PRKD1: variants seen among roughly 807,000 people sequenced by gnomAD.
The protein encoded by PRKD1 is serine/threonine-protein kinase D1.
PRKD1 carries 63 observed loss-of-function variants against 95.9 expected under a neutral mutation model. That is an observed-to-expected ratio of 0.66 (90% CI 0.54 to 0.81). PRKD1 has a LOEUF of 0.81. Among genes scored for constraint, PRKD1 ranks in the 30% least tolerant of loss-of-function variants. The probability of loss-of-function intolerance (pLI) is 0.00; values close to 1 mark genes in which losing one functional copy is unlikely to be tolerated. For synonymous variants in PRKD1, 425 were observed against 423.1 expected (o/e 1.00, Z -0.05); for missense variants, 1,048 against 1,165.3 (o/e 0.90, Z 1.47).
chr14:29,643,209 T>C (rs978807234), intron 4 of PRKD1, among the ~76,000 whole-genome samples: 3 of 152,192 alleles, frequency 2.0e-5, no homozygotes, highest in African/African-American at 7.2e-5. Flanking sequence ...TAGATGCATA[T>C]AAATGATTTG....
intron 14 of PRKD1, 107 bp downstream of exon 14, chr14:29,599,549 T>C: frequency 1.9e-6 from 2 of 1,065,474 alleles, no homozygotes; most frequent in South Asian, 3.2e-5. Flanking sequence ...TAGTGTAGTT[T>C]AGACTGGAGG....
At chr14:29,673,737 C>G (rs1882997815) in intron 2 of PRKD1, among the ~76,000 whole-genome samples, 1 of 152,184 alleles carries the variant, frequency 6.6e-6, no homozygotes, top group Admixed American at 6.5e-5. Flanking sequence ...TAAAGTATTT[C>G]AAGTTCAAAA....
intron 1 of PRKD1, among the ~76,000 whole-genome samples, chr14:29,832,929 A>G (rs1891470896): frequency 6.6e-6 from 1 of 152,038 alleles, no homozygotes; most frequent in Non-Finnish European, 1.5e-5. Context: ...CACTTTGTAT[A>G]TGCAGCCTTC....
chr14:29,767,091 C>T (rs553885143), intron 1 of PRKD1, among the ~76,000 whole-genome samples: 3 of 152,098 alleles, frequency 2.0e-5, no homozygotes, highest in Admixed American at 6.6e-5. Flanking sequence ...CAGGCCCCAA[C>T]CCTCACCTCC....
intron 15 of PRKD1, among the ~76,000 whole-genome samples, chr14:29,598,230 T>C (rs1451659097): frequency 1.3e-5 from 2 of 151,226 alleles, no homozygotes; most frequent in Non-Finnish European, 2.9e-5. Context: ...GAGCTGAGAC[T>C]GCACCATTCC....
chr14:29,894,374 G>A (rs1894045965), intron 1 of PRKD1, among the ~76,000 whole-genome samples: 1 of 152,250 alleles, frequency 6.6e-6, no homozygotes, highest in Non-Finnish European at 1.5e-5. Context: ...GATGCAAGGG[G>A]AAGTATACCA....
At chr14:29,654,830 T>G (rs1387846556) in intron 4 of PRKD1, among the ~76,000 whole-genome samples, 1 of 152,244 alleles carries the variant, frequency 6.6e-6, no homozygotes, top group African/African-American at 2.4e-5. Flanking sequence ...CAACTGTCAC[T>G]AAAACATTTC....
At chr14:29,650,297 C>A (rs1487829154) in intron 4 of PRKD1, 2 of 152,476 alleles carry the variant, frequency 1.3e-5, no homozygotes, top group Admixed American at 1.3e-4. Context: ...GGGCCCAAAC[C>A]TTACCACGGT....
rs1230853372 is a variant in PRKD1 at position 29,606,948 on chromosome 14, A to G, written c.1906-7131T>C. Among the ~76,000 whole-genome samples the G allele has an allele frequency of 2.6e-5, 4 of 152,326 alleles. No homozygotes were observed. In the East Asian group the frequency reaches 7.7e-4, roughly 29 times the overall value. The stretch of plus-strand genomic sequence containing the variant: ...TTGAATTCCAGCTCTGCCTCTTCCC[A>G]GCTTCTGCCTTCAGGTGAGTTATCT... On this transcript the variant is annotated intron_variant, in intron 13 of 17. Transcript: ENST00000331968.
chr14:29,582,366 G>A (rs1330655299), intron 16 of PRKD1, among the ~76,000 whole-genome samples: 1 of 147,068 alleles, frequency 6.8e-6, no homozygotes, highest in Non-Finnish European at 1.5e-5. Context: ...TCATTTTATC[G>A]AGCTTCTTGT....
intron 1 of PRKD1, among the ~76,000 whole-genome samples, chr14:29,736,612 G>A (rs1210562942): frequency 1.3e-5 from 2 of 152,152 alleles, no homozygotes; most frequent in Non-Finnish European, 2.9e-5. Context: ...GGTCGTGAGT[G>A]CAAACATCTG....
intron 1 of PRKD1, among the ~76,000 whole-genome samples, chr14:29,815,932 A>G (rs1339276559): frequency 6.6e-6 from 1 of 152,142 alleles, no homozygotes; most frequent in Non-Finnish European, 1.5e-5. Context: ...CAACTTAGTC[A>G]TATCAGGCCG....
chr14:29,639,883 T>C (rs1456177238), intron 4 of PRKD1, among the ~76,000 whole-genome samples: 2 of 152,134 alleles, frequency 1.3e-5, no homozygotes, highest in Non-Finnish European at 1.5e-5. Context: ...GCCCAGTATA[T>C]AGATTTTTAA....
intron 4 of PRKD1, among the ~76,000 whole-genome samples, chr14:29,658,179 C>CT (rs1284138777): frequency 2.6e-5 from 4 of 152,152 alleles, no homozygotes; most frequent in Non-Finnish European, 4.4e-5. Context: ...CCCTGAATCT[C>CT]TTTTTTCTGG....
intron 2 of PRKD1, among the ~76,000 whole-genome samples, chr14:29,710,187 T>C (rs2139353103): frequency 6.6e-6 from 1 of 152,232 alleles, no homozygotes; most frequent in East Asian, 1.9e-4. Context: ...CCATTTAATA[T>C]ATGCAGACAC....
chr14:29,787,215 G>GTTTTTTTTTTTTTTT (rs34161174), intron 1 of PRKD1, among the ~76,000 whole-genome samples: 1 of 85,240 alleles, frequency 1.2e-5, no homozygotes, highest in Admixed American at 1.2e-4. Context: ...TTTGTTCAGT[G>GTTTTTTTTTTTTTTT]TTTTTTTTTT....
chr14:29,643,604 T>G (rs73255537), intron 4 of PRKD1, among the ~76,000 whole-genome samples: 4,266 of 152,278 alleles, frequency 0.028, 180 homozygotes, highest in African/African-American at 0.091. Flanking sequence ...TTAGATTACA[T>G]TGTGGAAACT....
At chr14:29,880,632 C>T (rs952304505) in intron 1 of PRKD1, among the ~76,000 whole-genome samples, 4 of 152,034 alleles carry the variant, frequency 2.6e-5, no homozygotes, top group African/African-American at 4.8e-5. Flanking sequence ...AATGGTAGAT[C>T]CACCAACAGC....
At chr14:29,852,198 T>TA (rs1420659775) in intron 1 of PRKD1, among the ~76,000 whole-genome samples, 1 of 152,138 alleles carries the variant, frequency 6.6e-6, no homozygotes, top group Non-Finnish European at 1.5e-5. Flanking sequence ...TATACCCATG[T>TA]AAAAAATCTG....
Sources: allele counts gnomAD v4.1 joint callset (sites outside exome capture counted in the v4.1 genomes callset), GRCh38; gene constraint gnomAD v4.1.1; transcripts MANE v1.5; gene names NCBI Gene and HGNC (gene_info 2026-07-23, HGNC 2026-07-21).